Variants in ATG5 observed in about 807,000 individuals in gnomAD.
ATG5 encodes autophagy protein 5.
Under a neutral mutation model 36.5 loss-of-function variants are expected in ATG5, and 14 were observed. The observed-to-expected ratio is 0.38, with a 90% CI of 0.25 to 0.60. The LOEUF (loss-of-function observed/expected upper bound fraction) is 0.60. Ranked by LOEUF, ATG5 falls within the 20% of genes least tolerant of loss-of-function variation. The pLI, the probability that ATG5 is intolerant of heterozygous loss-of-function variation, is 0.60. For missense variants in ATG5, 195 were observed against 326.7 expected, an observed-to-expected ratio of 0.60 and a Z score of 3.11; for synonymous variants, 95 against 101.5, an observed-to-expected ratio of 0.94 and a Z score of 0.38.
At position 106,206,522 on chromosome 6, in the gene ATG5, C is replaced by T. The variant is rs746480039; in HGVS notation, c.574-4433G>A. 1.7e-4 allele frequency among the ~76,000 whole-genome samples: 26 copies of T among 152,010 alleles called. No homozygotes were observed. In the East Asian group the frequency reaches 2.1e-3, roughly 12 times the overall value. On this transcript the variant is annotated intron_variant, in intron 6 of 7. Transcript: ENST00000369076. ...AAAATTAGCTGGGCATAGTTGTGGG[C>T]GCCTGTAATCCCAGCTACTCAGGAG...
At chr6:106,271,556 T>C (rs931365968) in intron 5 of ATG5, 20 of 152,222 alleles carry the variant, frequency 1.3e-4, no homozygotes, top group Admixed American at 6.5e-5. Context: ...TCTTCCCTAA[T>C]CACCTTAATG....
chr6:106,253,229 T>G (rs1410943506), intron 5 of ATG5, among the ~76,000 whole-genome samples: 1 of 152,184 alleles, frequency 6.6e-6, no homozygotes, highest in Non-Finnish European at 1.5e-5. Context: ...CTCATCTGCC[T>G]TATGAGCCAG....
At chr6:106,291,450 A>G (rs2114627333) in intron 4 of ATG5, among the ~76,000 whole-genome samples, 1 of 152,356 alleles carries the variant, frequency 6.6e-6, no homozygotes, top group Non-Finnish European at 1.5e-5. Context: ...GGAAGGGCCA[A>G]TAACATCCTG....
intron 6 of ATG5, among the ~76,000 whole-genome samples, chr6:106,237,884 A>G (rs1777960608): frequency 6.6e-6 from 1 of 152,238 alleles, no homozygotes; most frequent in Non-Finnish European, 1.5e-5. Context: ...ACATAAGCAC[A>G]GTACAGAGCC....
At chr6:106,324,405 T>C (rs1771215283) in intron 1 of ATG5, among the ~76,000 whole-genome samples, 1 of 152,158 alleles carries the variant, frequency 6.6e-6, no homozygotes, top group Admixed American at 6.5e-5. Context: ...GACTTTGGTA[T>C]CCAAGGGAGG....
At chr6:106,202,987 T>TGA (rs984761030) in intron 6 of ATG5, among the ~76,000 whole-genome samples, 5 of 151,942 alleles carry the variant, frequency 3.3e-5, no homozygotes, top group Non-Finnish European at 5.9e-5. Context: ...ATCTAATGGT[T>TGA]GAGAGAGAGA....
chr6:106,293,124 T>C lies in ATG5; in HGVS notation c.237-18A>G, dbSNP rs199547664. On this transcript the variant is annotated intron_variant, in intron 3 of 7. Transcript: ENST00000369076. ...GATAATGCCTAAAAATGAAACAGTA[T>C]ATTTTGAGAAAATAAATATTTAAAG... 3 of 1,598,260 alleles carry C rather than the reference T, an allele frequency of 1.9e-6. No individual in the cohort carries two copies. The highest frequency in any genetic ancestry group is 2.6e-6 in the Non-Finnish European group (3 of 1,167,870).
intron 6 of ATG5, among the ~76,000 whole-genome samples, chr6:106,244,784 G>A (rs1778265903): frequency 6.6e-6 from 1 of 152,204 alleles, no homozygotes; most frequent in South Asian, 2.1e-4. Flanking sequence ...AAATATGTGT[G>A]TAAATAAACT....
At chr6:106,231,581 AG>A (rs137873295) in intron 6 of ATG5, among the ~76,000 whole-genome samples, 12,832 of 152,270 alleles carry the variant, frequency 0.084, 566 homozygotes, top group South Asian at 0.13. Context: ...ACACAGGGAA[AG>A]GAAGAAAATC....
At chr6:106,318,406 C>G (rs974972529) in intron 1 of ATG5, among the ~76,000 whole-genome samples, 1 of 152,050 alleles carries the variant, frequency 6.6e-6, no homozygotes, top group African/African-American at 2.4e-5. Context: ...AATGAATGAC[C>G]AATGCTGCTT....
intron 1 of ATG5, among the ~76,000 whole-genome samples, chr6:106,318,122 A>C (rs1221187742): frequency 6.6e-6 from 1 of 152,220 alleles, no homozygotes; most frequent in Non-Finnish European, 1.5e-5. Flanking sequence ...TCTCAGAAGA[A>C]GCAGATAGAA....
intron 5 of ATG5, among the ~76,000 whole-genome samples, chr6:106,257,514 A>C (rs1778846621): frequency 6.6e-6 from 1 of 152,258 alleles, no homozygotes; most frequent in African/African-American, 2.4e-5. Flanking sequence ...CCACTATCAT[A>C]CATGCAGTCC....
chr6:106,260,855 TA>T (rs1778991553), intron 5 of ATG5, among the ~76,000 whole-genome samples: 1 of 152,186 alleles, frequency 6.6e-6, no homozygotes, highest in Non-Finnish European at 1.5e-5. Context: ...CTATAGCCAC[TA>T]ATCAGAACTG....
Position 106,186,535 on chromosome 6 carries a change from A to T in ATG5, c.*5T>A. The T allele has an allele frequency of 6.2e-7, 1 of 1,613,196 alleles. No homozygotes were observed. Among genetic ancestry groups the T allele is most frequent in the South Asian group, 1.1e-5 (1 of 91,038 alleles). On this transcript the variant is annotated 3_prime_UTR_variant, in exon 8 of 8. Coordinates refer to ENST00000369076, the MANE Select transcript of ATG5 (RefSeq NM_004849.4). Reference sequence around the variant, plus strand: ...ATGATTCTGTTCAGGCAAATAGTTGATCCTTCAATCTGTTGGCTGTGGGAT... The same window carrying T: ...ATGATTCTGTTCAGGCAAATAGTTGTTCCTTCAATCTGTTGGCTGTGGGAT...
chr6:106,260,279 C>T lies in ATG5; in HGVS notation c.479-12035G>A, dbSNP rs189380562. Among the ~76,000 whole-genome samples, 8 of 152,202 alleles carry T rather than the reference C, an allele frequency of 5.3e-5. No individual in the cohort carries two copies. In the East Asian group the frequency reaches 1.5e-3, roughly 29 times the overall value. On this transcript the variant is annotated intron_variant, in intron 5 of 7. Coordinates refer to ENST00000369076, the MANE Select transcript of ATG5 (RefSeq NM_004849.4). ...TAATTTTTTAAAAAAGAAAAAATAG[C>T]CACAAAATCTTGACATTCTGAGTGT...
At chr6:106,230,525 TC>T (rs779008078) in intron 6 of ATG5, among the ~76,000 whole-genome samples, 4 of 152,056 alleles carry the variant, frequency 2.6e-5, no homozygotes, top group African/African-American at 4.8e-5. Context: ...GCATAACTAA[TC>T]CGATAAGCAG....
intron 7 of ATG5, among the ~76,000 whole-genome samples, chr6:106,200,091 T>C (rs141544510): frequency 2.6e-5 from 4 of 152,230 alleles, no homozygotes; most frequent in South Asian, 2.1e-4. Context: ...TTTTAAAGCA[T>C]TACATACATG....
At chr6:106,290,174 A>G (rs1780245488) in intron 4 of ATG5, among the ~76,000 whole-genome samples, 1 of 151,034 alleles carries the variant, frequency 6.6e-6, no homozygotes, top group African/African-American at 2.4e-5. Flanking sequence ...CTAGAGGTGC[A>G]TGCCACCATA....
chr6:106,284,652 G>A (rs1208499375), intron 4 of ATG5, among the ~76,000 whole-genome samples: 1 of 151,876 alleles, frequency 6.6e-6, no homozygotes, highest in African/African-American at 2.4e-5. Context: ...ACCACACCCA[G>A]CCTTGTACAT....
Sources: gnomAD v4.1 joint callset for allele counts (sites outside exome capture counted in the v4.1 genomes callset) on GRCh38, gnomAD v4.1.1 for gene constraint, MANE v1.5 for transcripts, NCBI Gene and HGNC (gene_info 2026-07-23, HGNC 2026-07-21) for gene names.